AGBL4: variants seen among roughly 807,000 people sequenced by gnomAD.
AGBL4 encodes the protein AGBL carboxypeptidase 4, also known as cytosolic carboxypeptidase 6.
Under a neutral mutation model 66.4 loss-of-function variants are expected in AGBL4, and 58 were observed. That is an observed-to-expected ratio of 0.87 (90% CI 0.71 to 1.09). AGBL4 has a LOEUF of 1.09. Ranked by LOEUF, AGBL4 falls within the 50% of genes least tolerant of loss-of-function variation. AGBL4 has a pLI of 0.00. For synonymous variants in AGBL4, 234 were observed against 222.9 expected (o/e 1.05, Z -0.44); for missense variants, 579 against 631.0 (o/e 0.92, Z 0.88).
At chr1:49,825,398 C>T (rs944028396) in intron 2 of AGBL4, among the ~76,000 whole-genome samples, 5 of 152,142 alleles carry the variant, frequency 3.3e-5, no homozygotes, top group Admixed American at 3.3e-4. Flanking sequence ...GCATTTGATA[C>T]ATTACCTTAT....
intron 2 of AGBL4, among the ~76,000 whole-genome samples, chr1:49,846,554 A>C (rs1252993785): frequency 6.6e-6 from 1 of 152,256 alleles, no homozygotes; most frequent in Admixed American, 6.5e-5. Context: ...CCACTGAAGG[A>C]AAGAAGTATC....
At chr1:48,657,728 A>C (rs1646042887) in intron 7 of AGBL4, among the ~76,000 whole-genome samples, 1 of 152,222 alleles carries the variant, frequency 6.6e-6, no homozygotes, top group Non-Finnish European at 1.5e-5. Context: ...GAGCATCAGA[A>C]CTCTTTGCTG....
intron 6 of AGBL4, among the ~76,000 whole-genome samples, chr1:48,854,411 C>T (rs1647099785): frequency 1.3e-5 from 2 of 152,178 alleles, no homozygotes; most frequent in Non-Finnish European, 1.5e-5. Context: ...GATATTACAA[C>T]CACCTGATGA....
intron 2 of AGBL4, among the ~76,000 whole-genome samples, chr1:49,708,739 C>A (rs527391860): frequency 5.7e-4 from 87 of 152,202 alleles, no homozygotes; most frequent in Middle Eastern, 3.4e-3. Context: ...GGGATTTTTG[C>A]ATGGGCATCC....
At chr1:49,701,446 T>C (rs1007823649) in intron 2 of AGBL4, among the ~76,000 whole-genome samples, 1 of 152,134 alleles carries the variant, frequency 6.6e-6, no homozygotes, top group Admixed American at 6.6e-5. Flanking sequence ...CCTGTGGTAA[T>C]GGTTTCACAG....
chr1:49,391,990 T>C lies in AGBL4; in HGVS notation c.283-146126A>G, dbSNP rs112292062. On this transcript the variant is annotated intron_variant, in intron 3 of 13. Coordinates refer to ENST00000371839, the MANE Select transcript of AGBL4 (RefSeq NM_032785.4). ...GCATTTATTGAGCACATGATGTGTG[T>C]AACCTCTCTTCTGAGCACTGGCTGT... Among the ~76,000 whole-genome samples, 829 of 152,284 alleles carry C rather than the reference T, an allele frequency of 5.4e-3. 5 individuals are homozygous for C. The highest frequency in any genetic ancestry group is 6.9e-3 in the Non-Finnish European group (472 of 68,026).
intron 6 of AGBL4, among the ~76,000 whole-genome samples, chr1:48,799,903 T>C (rs1203245525): frequency 6.6e-6 from 1 of 152,196 alleles, no homozygotes; most frequent in East Asian, 1.9e-4. Context: ...AGTTAGCTAG[T>C]GTTTTGCTGA....
intron 5 of AGBL4, among the ~76,000 whole-genome samples, chr1:49,038,683 A>G (rs1664859895): frequency 6.6e-6 from 1 of 152,070 alleles, no homozygotes; most frequent in Non-Finnish European, 1.5e-5. Flanking sequence ...GGCCAAAATC[A>G]AGAACACTGA....
chr1:49,883,590 A>G (rs1160988964), intron 1 of AGBL4, among the ~76,000 whole-genome samples: 1 of 152,050 alleles, frequency 6.6e-6, no homozygotes, highest in African/African-American at 2.4e-5. Context: ...AATCTATAAA[A>G]AGTCATTGAA....
At chr1:49,079,324 T>C (rs977335673) in intron 4 of AGBL4, among the ~76,000 whole-genome samples, 1 of 152,116 alleles carries the variant, frequency 6.6e-6, no homozygotes, top group African/African-American at 2.4e-5. Context: ...AACTGGGTAA[T>C]TCATAAAGGA....
chr1:50,009,040 GA>G (rs1661338719), intron 1 of AGBL4, among the ~76,000 whole-genome samples: 1 of 152,158 alleles, frequency 6.6e-6, no homozygotes. Flanking sequence ...CCCAAGACCT[GA>G]TGGCCTCACT....
At chr1:48,753,309 A>G (rs952194413) in intron 6 of AGBL4, among the ~76,000 whole-genome samples, 1 of 152,206 alleles carries the variant, frequency 6.6e-6, no homozygotes, top group Non-Finnish European at 1.5e-5. Flanking sequence ...GGTTAAACAA[A>G]TGTGTATGAA....
At chr1:49,045,540 T>G in intron 5 of AGBL4, 44 bp downstream of exon 5, 1 of 1,552,664 alleles carries the variant, frequency 6.4e-7, no homozygotes, top group Non-Finnish European at 8.8e-7. Context: ...ATCCCAAGTT[T>G]GCCTGTTTCC....
chr1:48,729,298 G>C (rs1462029678), intron 6 of AGBL4, among the ~76,000 whole-genome samples: 1 of 152,210 alleles, frequency 6.6e-6, no homozygotes, highest in Non-Finnish European at 1.5e-5. Context: ...CTGAATAAAT[G>C]CTTTTCCAGG....
chr1:49,026,265 T>C (rs964529641), intron 5 of AGBL4, among the ~76,000 whole-genome samples: 9 of 152,296 alleles, frequency 5.9e-5, no homozygotes, highest in African/African-American at 1.9e-4. Context: ...TTGTTTGTTC[T>C]TTCAAGGCAT....
chr1:49,276,214 T>C (rs1644164886), intron 3 of AGBL4, among the ~76,000 whole-genome samples: 1 of 152,102 alleles, frequency 6.6e-6, no homozygotes, highest in Admixed American at 6.6e-5. Flanking sequence ...TAATCTATTA[T>C]CATGACTAAG....
chr1:48,655,259 T>A (rs1292672806), intron 7 of AGBL4, among the ~76,000 whole-genome samples: 1 of 152,248 alleles, frequency 6.6e-6, no homozygotes. Flanking sequence ...TGAGGTCAGA[T>A]ACAATATAAA....
At chr1:49,622,621 T>G (rs1457741860) in intron 3 of AGBL4, among the ~76,000 whole-genome samples, 1 of 79,762 alleles carries the variant, frequency 1.3e-5, no homozygotes, top group African/African-American at 5.5e-5. Flanking sequence ...AGAGCGAGAC[T>G]CCGTCTCAAA....
At chr1:49,391,946 T>C (rs1426408036) in intron 3 of AGBL4, among the ~76,000 whole-genome samples, 1 of 151,988 alleles carries the variant, frequency 6.6e-6, no homozygotes, top group Admixed American at 6.6e-5. Context: ...GGAAAGAAGA[T>C]GAATTTAGGA....
Sources: allele counts gnomAD v4.1 joint callset (sites outside exome capture counted in the v4.1 genomes callset), GRCh38; gene constraint gnomAD v4.1.1; transcripts MANE v1.5; gene names NCBI Gene and HGNC (gene_info 2026-07-23, HGNC 2026-07-21).